MCC: variants seen among roughly 807,000 people sequenced by gnomAD.
MCC encodes colorectal mutant cancer protein.
In MCC, 90 loss-of-function variants were observed where a neutral mutation model predicts 116.2. The observed-to-expected ratio is 0.77, with a 90% confidence interval of 0.65 to 0.92. The LOEUF is 0.92. Ranked by LOEUF, MCC falls within the 40% of genes least tolerant of loss-of-function variation. MCC has a pLI of 0.00. For missense variants in MCC, 1,516 were observed against 1,312.2 expected, an observed-to-expected ratio of 1.16 and a Z score of -2.40; for synonymous variants, 578 against 510.5, an observed-to-expected ratio of 1.13 and a Z score of -1.78.
intron 3 of MCC, among the ~76,000 whole-genome samples, chr5:113,219,240 A>G (rs747279209): frequency 8.5e-5 from 13 of 152,206 alleles, no homozygotes; most frequent in Admixed American, 2.0e-4. Context: ...CTGTTACCAA[A>G]TAAGTTTGGA....
intron 3 of MCC, among the ~76,000 whole-genome samples, chr5:113,299,526 A>G (rs1411436478): frequency 2.6e-5 from 4 of 152,170 alleles, no homozygotes; most frequent in Non-Finnish European, 4.4e-5. Context: ...AACTGGGTCA[A>G]TATTATAAGA....
At chr5:113,273,830 CAGTG>C (rs1438567219) in intron 3 of MCC, among the ~76,000 whole-genome samples, 1 of 151,782 alleles carries the variant, frequency 6.6e-6, no homozygotes, top group Non-Finnish European at 1.5e-5. Flanking sequence ...AAAAAAAAAA[CAGTG>C]AGCAATATCA....
intron 3 of MCC, among the ~76,000 whole-genome samples, chr5:113,310,900 TA>T (rs1169151463): frequency 6.6e-6 from 1 of 152,186 alleles, no homozygotes; most frequent in Non-Finnish European, 1.5e-5. Flanking sequence ...CTTCCTTCAT[TA>T]AAAAAATATT....
chr5:113,191,421 C>T (rs905504510), intron 3 of MCC, among the ~76,000 whole-genome samples: 2 of 152,220 alleles, frequency 1.3e-5, no homozygotes, highest in South Asian at 2.1e-4. Context: ...TGTGGGGAAA[C>T]TGGCCCTGGA....
At chr5:113,153,508 C>T (rs1760004105) in intron 3 of MCC, among the ~76,000 whole-genome samples, 1 of 152,216 alleles carries the variant, frequency 6.6e-6, no homozygotes, top group East Asian at 1.9e-4. Context: ...ACCAGCTCTC[C>T]AGATTTCCAG....
intron 1 of MCC, among the ~76,000 whole-genome samples, chr5:113,459,952 T>C (rs1487166488): frequency 1.3e-5 from 2 of 152,020 alleles, no homozygotes; most frequent in Non-Finnish European, 2.9e-5. Context: ...GTAAACATCC[T>C]AGGGCAAGGA....
intron 3 of MCC, among the ~76,000 whole-genome samples, chr5:113,275,786 A>C (rs1316739993): frequency 6.6e-6 from 1 of 152,178 alleles, no homozygotes; most frequent in African/African-American, 2.4e-5. Context: ...ATATGCAAAT[A>C]CTACACCCTT....
At chr5:113,085,020 C>T in intron 9 of MCC, 144 bp downstream of exon 9, 1 of 1,059,688 alleles carries the variant, frequency 9.4e-7, no homozygotes, top group South Asian at 1.4e-5. Context: ...GCAGCTCCTG[C>T]ATAGAAGGCC....
chr5:113,419,229 G>A (rs4705818), intron 1 of MCC, among the ~76,000 whole-genome samples: 27,885 of 150,674 alleles, frequency 0.19, 3,053 homozygotes, highest in Admixed American at 0.31. Context: ...GGAGTGCAGC[G>A]GCGCTATCAT....
intron 6 of MCC, among the ~76,000 whole-genome samples, chr5:113,110,992 C>T (rs1458331451): frequency 1.3e-5 from 2 of 152,178 alleles, no homozygotes; most frequent in Non-Finnish European, 2.9e-5. Context: ...CTCTGCTCTG[C>T]CCGCCTCCAC....
intron 2 of MCC, among the ~76,000 whole-genome samples, chr5:113,378,023 C>G (rs1287342955): frequency 1.3e-5 from 2 of 152,140 alleles, no homozygotes; most frequent in Non-Finnish European, 2.9e-5. Flanking sequence ...ACAATGAAAT[C>G]TAATAGTAGC....
rs1319830913 is a variant in MCC at position 113,431,103 on chromosome 5, G to A, written c.171-45891C>T. 2.6e-5 allele frequency among the ~76,000 whole-genome samples: 4 copies of A among 152,126 alleles called. No homozygotes were observed. In the South Asian group the frequency reaches 8.3e-4, roughly 32 times the overall value. ...GTAGGAAGTGAGATTATCTGCTGAGGGAGAAAGGAAGGGGAGGAGCTTGAG... is the reference window on the plus strand; with the variant it reads ...GTAGGAAGTGAGATTATCTGCTGAGAGAGAAAGGAAGGGGAGGAGCTTGAG... On this transcript the variant is annotated intron_variant, in intron 1 of 18. Transcript: ENST00000408903.
Position 113,071,089 on chromosome 5 carries a change from C to CCTCGCGCTGTCTTCCTA in MCC, c.1925+4_1925+5insTAGGAAGACAGCGCGAG. 2 of 1,527,130 alleles carry CCTCGCGCTGTCTTCCTA rather than the reference C, an allele frequency of 1.3e-6. No individual in the cohort carries two copies. The highest frequency in any genetic ancestry group is 1.8e-6 in the Non-Finnish European group (2 of 1,140,992). The allele number at this position is 1,527,130 out of a possible 1,614,324, so 94.6% of individuals were successfully genotyped here. A position where few individuals can be genotyped will look rare whatever the true frequency, so the allele number is the denominator to read the frequency against. On this transcript the variant is annotated splice_donor_region_variant and intron_variant, in intron 12 of 18. Coordinates refer to ENST00000408903, the MANE Select transcript of MCC (RefSeq NM_001085377.2). ...GTAGCTCCAAACATCCCAGTGTGTG[C>CCTCGCGCTGTCTTCCTA]CTACCTGTACTGCAAGGCCAGCCTC...
chr5:113,119,878 G>A (rs1757632905), intron 6 of MCC, among the ~76,000 whole-genome samples: 1 of 152,212 alleles, frequency 6.6e-6, no homozygotes, highest in Admixed American at 6.5e-5. Flanking sequence ...AAATGAGGAT[G>A]CCCCATGGCG....
intron 3 of MCC, among the ~76,000 whole-genome samples, chr5:113,276,664 T>C (rs1765834759): frequency 6.6e-6 from 1 of 152,202 alleles, no homozygotes; most frequent in African/African-American, 2.4e-5. Flanking sequence ...TCTGGCTCTG[T>C]TGCCCAGGCT....
At position 113,316,212 on chromosome 5, in the gene MCC, T is replaced by A. The variant is rs958244064; in HGVS notation, c.627+24307A>T. The stretch of plus-strand genomic sequence containing the variant: ...CAGAGGTTGCAGTGAGCTGAGATCA[T>A]GCCACTGCACTCCAGCCTGGGCGAC... On this transcript the variant is annotated intron_variant, in intron 3 of 18. Coordinates refer to ENST00000408903, the MANE Select transcript of MCC (RefSeq NM_001085377.2). Among the ~76,000 whole-genome samples, 11 of 147,772 alleles carry A rather than the reference T, an allele frequency of 7.4e-5. No homozygotes were observed. In the Admixed American group the frequency reaches 7.5e-4, roughly 10 times the overall value.
intron 3 of MCC, among the ~76,000 whole-genome samples, chr5:113,291,252 TC>T (rs942138184): frequency 2.0e-5 from 3 of 152,142 alleles, no homozygotes; most frequent in Admixed American, 2.0e-4. Flanking sequence ...CGCACACAAA[TC>T]CCTCCTATCT....
rs115093051 is a variant in MCC at position 113,273,272 on chromosome 5, T to C, written c.627+67247A>G. The stretch of plus-strand genomic sequence containing the variant: ...GCCATGAGTATGTGTCCTTTCCCTT[T>C]TCTAACAAAATATTCTAAAGGGGGT... On this transcript the variant is annotated intron_variant, in intron 3 of 18. Coordinates refer to ENST00000408903, the MANE Select transcript of MCC (RefSeq NM_001085377.2). Among the ~76,000 whole-genome samples the C allele has an allele frequency of 5.9e-3, 894 of 152,336 alleles. 10 individuals are homozygous for C. The highest frequency in any genetic ancestry group is 0.021 in the African/African-American group (863 of 41,572).
At chr5:113,454,152 T>C (rs560433968) in intron 1 of MCC, among the ~76,000 whole-genome samples, 1 of 152,260 alleles carries the variant, frequency 6.6e-6, no homozygotes, top group South Asian at 2.1e-4. Context: ...TTTAAAAATA[T>C]TTGAAAAAAT....
Sources: gnomAD v4.1 joint callset for allele counts (sites outside exome capture counted in the v4.1 genomes callset) on GRCh38, gnomAD v4.1.1 for gene constraint, MANE v1.5 for transcripts, NCBI Gene and HGNC (gene_info 2026-07-23, HGNC 2026-07-21) for gene names.